Variants in PCCA observed in about 807,000 individuals in gnomAD.
The protein encoded by PCCA is propionyl-CoA carboxylase subunit alpha.
PCCA carries 74 observed loss-of-function variants against 101.3 expected under a neutral mutation model. The ratio of observed to expected loss-of-function variants is 0.73; its 90% CI spans 0.61 to 0.89. The LOEUF is 0.89. Among genes scored for constraint, PCCA ranks in the 40% least tolerant of loss-of-function variants. The pLI is 0.00. For missense variants in PCCA, 891 were observed against 907.0 expected, an observed-to-expected ratio of 0.98 and a Z score of 0.23; for synonymous variants, 294 against 313.6, an observed-to-expected ratio of 0.94 and a Z score of 0.66.
Position 100,481,754 on chromosome 13 carries a change from A to G in PCCA, c.1899+32449A>G, listed in dbSNP as rs202027533. 6.6e-5 allele frequency among the ~76,000 whole-genome samples: 10 copies of G among 152,072 alleles called. No homozygotes were observed. The East Asian group carries it at 1.9e-3, about 29-fold the overall frequency. On this transcript the variant is annotated intron_variant, in intron 21 of 23. Transcript: ENST00000376285. The stretch of plus-strand genomic sequence containing the variant: ...CTCACACTACTCAGAATGACTCACA[A>G]TTTAAAACTTATACATTGTTTATTT...
At chr13:100,247,585 C>T (rs2061515030) in intron 8 of PCCA, among the ~76,000 whole-genome samples, 1 of 147,666 alleles carries the variant, frequency 6.8e-6, no homozygotes, top group Non-Finnish European at 1.5e-5. Context: ...ACAATCTGGG[C>T]TCACTGCAAC....
intron 20 of PCCA, among the ~76,000 whole-genome samples, chr13:100,442,652 T>C (rs1337958298): frequency 6.6e-6 from 1 of 152,186 alleles, no homozygotes; most frequent in Non-Finnish European, 1.5e-5. Flanking sequence ...AGACTTACCT[T>C]CCAGCAGGGG....
At chr13:100,434,545 A>T (rs1284692518) in intron 20 of PCCA, among the ~76,000 whole-genome samples, 1 of 152,074 alleles carries the variant, frequency 6.6e-6, no homozygotes, top group Non-Finnish European at 1.5e-5. Context: ...TAGCCCTGGG[A>T]TACTTTCATG....
chr13:100,144,041 G>A (rs1392277095), intron 4 of PCCA, among the ~76,000 whole-genome samples: 2 of 151,796 alleles, frequency 1.3e-5, no homozygotes, highest in African/African-American at 4.8e-5. Flanking sequence ...TGGGTTTACA[G>A]GCATGAGCCA....
intron 21 of PCCA, among the ~76,000 whole-genome samples, chr13:100,451,741 CT>C (rs2081265282): frequency 1.3e-5 from 1 of 79,826 alleles, no homozygotes; most frequent in African/African-American, 5.3e-5. Flanking sequence ...TCTCTCTCTT[CT>C]CTCCTTCCTC....
chr13:100,320,908 C>T (rs979800384), intron 16 of PCCA, among the ~76,000 whole-genome samples: 6 of 152,100 alleles, frequency 3.9e-5, no homozygotes, highest in African/African-American at 9.7e-5. Context: ...TGCCACCCTA[C>T]GCGGCTAATT....
At chr13:100,310,499 A>C (rs2066822941) in intron 16 of PCCA, among the ~76,000 whole-genome samples, 1 of 152,170 alleles carries the variant, frequency 6.6e-6, no homozygotes. Context: ...ATTTTGTCAA[A>C]ACTCATTTCT....
chr13:100,357,592 A>G (rs769788674), intron 18 of PCCA, among the ~76,000 whole-genome samples: 10 of 152,244 alleles, frequency 6.6e-5, no homozygotes, highest in Non-Finnish European at 1.3e-4. Context: ...TTTTCAATGA[A>G]TTCCTTTCCA....
intron 1 of PCCA, among the ~76,000 whole-genome samples, chr13:100,099,659 C>A (rs1430033350): frequency 1.3e-5 from 2 of 151,882 alleles, no homozygotes; most frequent in Admixed American, 6.6e-5. Context: ...CCAGCCACTG[C>A]AAACAGGATT....
intron 19 of PCCA, among the ~76,000 whole-genome samples, chr13:100,422,063 T>TC (rs2078806861): frequency 2.9e-5 from 1 of 34,792 alleles, no homozygotes; most frequent in East Asian, 8.4e-4. Context: ...TTTTCTCTTC[T>TC]CTTTTCTTTT....
intron 20 of PCCA, among the ~76,000 whole-genome samples, chr13:100,434,058 C>G (rs1051482761): frequency 6.6e-6 from 1 of 152,186 alleles, no homozygotes; most frequent in Non-Finnish European, 1.5e-5. Flanking sequence ...TCAGATCTTC[C>G]TGGCCTCTCT....
rs1491118523 is a variant in PCCA, at chr13:100,437,537, TTG to T, written c.1846-11713_1846-11712del. Among the ~76,000 whole-genome samples, 110 of 120,556 alleles carry T rather than the reference TTG, an allele frequency of 9.1e-4. 4 individuals carry two copies. The South Asian group carries it at 0.036, about 40-fold the overall frequency. The allele number at this position is 120,556 out of a possible 152,430, so 79.1% of individuals were successfully genotyped here. Reference sequence around the variant, plus strand: ...AACTATTTTATATTTATTTGTTTATTTGTTTTTTTTTTTACCAGTGTTTCTGT... The same window carrying T: ...AACTATTTTATATTTATTTGTTTATTTTTTTTTTTTTACCAGTGTTTCTGT... On this transcript the variant is annotated intron_variant, in intron 20 of 23. Coordinates refer to ENST00000376285, the MANE Select transcript of PCCA (RefSeq NM_000282.4).
chr13:100,413,911 CCTTAT>C (rs1231851401), intron 19 of PCCA, among the ~76,000 whole-genome samples: 1 of 152,134 alleles, frequency 6.6e-6, no homozygotes, highest in African/African-American at 2.4e-5. Context: ...CAGAGAATGA[CCTTAT>C]CACACCAATC....
intron 7 of PCCA, among the ~76,000 whole-genome samples, chr13:100,234,886 TACACAA>T (rs980712973): frequency 1.2e-4 from 17 of 138,266 alleles, no homozygotes; most frequent in Admixed American, 1.0e-3. Flanking sequence ...GTCACTGAAT[TACACAA>T]ACACACACAC....
chr13:100,296,994 A>C (rs1566886917), intron 12 of PCCA, among the ~76,000 whole-genome samples: 1 of 152,146 alleles, frequency 6.6e-6, no homozygotes, highest in Non-Finnish European at 1.5e-5. Context: ...GTCAGTTGTG[A>C]TCTTAACATT....
At chr13:100,309,775 C>A in intron 15 of PCCA, 58 bp from the exon 16 acceptor site, 2 of 1,064,972 alleles carry the variant, frequency 1.9e-6, no homozygotes, top group South Asian at 1.6e-5. Flanking sequence ...TAAAATGAAT[C>A]ATTTAACATA....
At chr13:100,523,504 G>A (rs1317418653) in intron 22 of PCCA, among the ~76,000 whole-genome samples, 1 of 152,152 alleles carries the variant, frequency 6.6e-6, no homozygotes, top group African/African-American at 2.4e-5. Flanking sequence ...AGCTGGAGGT[G>A]TCTGCAGCTC....
At chr13:100,176,513 A>G (rs910084967) in intron 6 of PCCA, among the ~76,000 whole-genome samples, 1 of 152,190 alleles carries the variant, frequency 6.6e-6, no homozygotes, top group African/African-American at 2.4e-5. Context: ...TGATACATCT[A>G]CCCATGTATC....
chr13:100,371,052 C>T (rs1463415244), intron 19 of PCCA, among the ~76,000 whole-genome samples: 1 of 152,084 alleles, frequency 6.6e-6, no homozygotes, highest in East Asian at 1.9e-4. Flanking sequence ...GCAGATGTTG[C>T]AGATTTTCCA....
Sources: gnomAD v4.1 joint callset for allele counts (sites outside exome capture counted in the v4.1 genomes callset) on GRCh38, gnomAD v4.1.1 for gene constraint, MANE v1.5 for transcripts, NCBI Gene and HGNC (gene_info 2026-07-23, HGNC 2026-07-21) for gene names.